Variants in PCBP3 observed in about 807,000 individuals in gnomAD.
The protein encoded by PCBP3 is poly(rC)-binding protein 3.
Under a neutral mutation model 52.7 loss-of-function variants are expected in PCBP3, and 25 were observed. That is an observed-to-expected ratio of 0.47 (90% CI 0.35 to 0.66). The LOEUF is 0.66. PCBP3 is among the 30% of genes least tolerant of loss of function. The pLI is 0.01. For missense variants in PCBP3, 391 were observed against 490.3 expected (o/e 0.80, Z 1.91); for synonymous variants, 162 against 183.0 (o/e 0.89, Z 0.93).
At chr21:45,855,733 C>G (rs1385297237) in intron 5 of PCBP3, among the ~76,000 whole-genome samples, 2 of 152,238 alleles carry the variant, frequency 1.3e-5, no homozygotes, top group Non-Finnish European at 2.9e-5. Flanking sequence ...TCCAAGTGCC[C>G]GATGGCCTGA....
chr21:45,842,714 G>T (rs1225163011), intron 4 of PCBP3, among the ~76,000 whole-genome samples: 1 of 152,182 alleles, frequency 6.6e-6, no homozygotes, highest in Non-Finnish European at 1.5e-5. Context: ...GGGATGTCTT[G>T]TTACCAGCAA....
chr21:45,823,149 T>C (rs1569272419), intron 4 of PCBP3, among the ~76,000 whole-genome samples: 1 of 152,222 alleles, frequency 6.6e-6, no homozygotes, highest in Non-Finnish European at 1.5e-5. Context: ...TTAGACTTTT[T>C]AACTTTCTGG....
At chr21:45,908,073 C>A (rs1284683288) in intron 9 of PCBP3, among the ~76,000 whole-genome samples, 1 of 152,166 alleles carries the variant, frequency 6.6e-6, no homozygotes, top group African/African-American at 2.4e-5. Context: ...TATTATCTTT[C>A]TTTTTTAAGG....
At chr21:45,692,175 A>G (rs1250335156) in intron 2 of PCBP3, among the ~76,000 whole-genome samples, 1 of 152,174 alleles carries the variant, frequency 6.6e-6, no homozygotes, top group Non-Finnish European at 1.5e-5. Flanking sequence ...CAGGAAGGCC[A>G]CTCTCAAGTT....
intron 5 of PCBP3, among the ~76,000 whole-genome samples, chr21:45,890,206 C>T (rs2095619006): frequency 6.6e-6 from 1 of 152,238 alleles, no homozygotes; most frequent in South Asian, 2.1e-4. Flanking sequence ...CTGGCCACAC[C>T]CTGCAACTAG....
chr21:45,697,024 A>G (rs766962575), intron 2 of PCBP3, among the ~76,000 whole-genome samples: 1 of 152,196 alleles, frequency 6.6e-6, no homozygotes, highest in African/African-American at 2.4e-5. Context: ...CTGAATTCTT[A>G]TATGCTGCTG....
At chr21:45,936,778 G>A (rs2076939218) in intron 16 of PCBP3, among the ~76,000 whole-genome samples, 1 of 152,210 alleles carries the variant, frequency 6.6e-6, no homozygotes, top group South Asian at 2.1e-4. Flanking sequence ...AAGAGAATGA[G>A]ACATCTTTGG....
chr21:45,644,979 A>G (rs1360775851), intron 1 of PCBP3, among the ~76,000 whole-genome samples: 1 of 152,208 alleles, frequency 6.6e-6, no homozygotes, highest in Non-Finnish European at 1.5e-5. Flanking sequence ...ACTAACTCCC[A>G]GTCCTCCTCA....
intron 4 of PCBP3, among the ~76,000 whole-genome samples, chr21:45,771,935 G>C (rs2089902177): frequency 1.3e-5 from 2 of 152,084 alleles, no homozygotes; most frequent in Admixed American, 1.3e-4. Flanking sequence ...AAAATCAATT[G>C]TATATCTGTA....
At chr21:45,906,439 C>A (rs969133985) in intron 9 of PCBP3, among the ~76,000 whole-genome samples, 2 of 151,652 alleles carry the variant, frequency 1.3e-5, no homozygotes, top group Non-Finnish European at 2.9e-5. Flanking sequence ...TGGATAGGGG[C>A]TAGGGTCGGG....
chr21:45,927,582 C>T (rs1285292617), intron 13 of PCBP3, among the ~76,000 whole-genome samples: 1 of 151,616 alleles, frequency 6.6e-6, no homozygotes, highest in African/African-American at 2.4e-5. Context: ...CCCGCCCATC[C>T]TCTCCACAGA....
At chr21:45,842,888 A>G (rs1241852640) in intron 4 of PCBP3, among the ~76,000 whole-genome samples, 2 of 152,180 alleles carry the variant, frequency 1.3e-5, no homozygotes, top group Non-Finnish European at 2.9e-5. Flanking sequence ...GGAGCAGGGC[A>G]GGTATTCTCA....
intron 4 of PCBP3, among the ~76,000 whole-genome samples, chr21:45,823,575 G>A (rs1431958300): frequency 6.6e-6 from 1 of 152,066 alleles, no homozygotes; most frequent in Non-Finnish European, 1.5e-5. Context: ...GGCATGGGCT[G>A]CGATCTTTGG....
intron 2 of PCBP3, among the ~76,000 whole-genome samples, chr21:45,696,104 AAAG>A (rs2082756528): frequency 6.0e-5 from 9 of 151,252 alleles, no homozygotes; most frequent in African/African-American, 2.2e-4. Flanking sequence ...AAAAAAAAAA[AAAG>A]GTCTTTTCAA....
intron 5 of PCBP3, among the ~76,000 whole-genome samples, chr21:45,863,888 G>A (rs1179165204): frequency 6.6e-6 from 1 of 152,170 alleles, no homozygotes; most frequent in Non-Finnish European, 1.5e-5. Flanking sequence ...GAAATGCCTA[G>A]AGGAACCGCA....
At chr21:45,941,067 C>T (rs1459721264) in intron 17 of PCBP3, among the ~76,000 whole-genome samples, 5 of 152,206 alleles carry the variant, frequency 3.3e-5, no homozygotes, top group East Asian at 1.9e-4. Flanking sequence ...CTGGAGAGGA[C>T]GAGGACACCC....
At chr21:45,713,071 T>G (rs1165214348) in intron 2 of PCBP3, among the ~76,000 whole-genome samples, 2 of 152,140 alleles carry the variant, frequency 1.3e-5, no homozygotes, top group African/African-American at 4.8e-5. Context: ...TATTAATGCC[T>G]TTGCAGGAAG....
At chr21:45,713,456 C>T (rs2083991853) in intron 2 of PCBP3, among the ~76,000 whole-genome samples, 2 of 152,250 alleles carry the variant, frequency 1.3e-5, no homozygotes, top group Admixed American at 6.5e-5. Flanking sequence ...CCCATACAGA[C>T]ACACCTCGTC....
chr21:45,810,824 CT>C (rs1230432864), intron 4 of PCBP3, among the ~76,000 whole-genome samples: 5 of 152,146 alleles, frequency 3.3e-5, no homozygotes, highest in Admixed American at 3.3e-4. Flanking sequence ...TTGACAACAA[CT>C]TTCATTTTTT....
Sources: allele counts gnomAD v4.1 joint callset (sites outside exome capture counted in the v4.1 genomes callset), GRCh38; gene constraint gnomAD v4.1.1; transcripts MANE v1.5; gene names NCBI Gene and HGNC (gene_info 2026-07-23, HGNC 2026-07-21).